The following ADGRL2 variants were observed in gnomAD, a reference collection of about 807,000 sequenced individuals.
ADGRL2 encodes the protein adhesion G protein-coupled receptor L2.
In ADGRL2, 44 loss-of-function variants were observed where a neutral mutation model predicts 157.4. That is an observed-to-expected ratio of 0.28 (90% CI 0.22 to 0.36). The LOEUF is 0.36. Among genes scored for constraint, ADGRL2 ranks in the 10% least tolerant of loss-of-function variants. The pLI, the probability that ADGRL2 is intolerant of heterozygous loss-of-function variation, is 1.00. For synonymous variants in ADGRL2, 585 were observed against 624.7 expected (o/e 0.94, Z 0.95); for missense variants, 1,510 against 1,768.9 (o/e 0.85, Z 2.63).
At position 81,393,460 on chromosome 1, in the gene ADGRL2, A is replaced by C. The variant is rs578035449; in HGVS notation, c.-301-51576A>C. On this transcript the variant is annotated intron_variant, in intron 1 of 24. Coordinates refer to the ADGRL2 transcript ENST00000370721. Reference sequence around the variant, plus strand: ...TTACTTCATACATGAGGCCCTCTACAGCTAACAGTTCCTGCTCTTATTGTT... The same window carrying C: ...TTACTTCATACATGAGGCCCTCTACCGCTAACAGTTCCTGCTCTTATTGTT... Among the ~76,000 whole-genome samples, 31 of 152,148 alleles carry C rather than the reference A, an allele frequency of 2.0e-4. No homozygotes were observed. The South Asian group carries it at 5.2e-3, about 25-fold the overall frequency.
chr1:81,468,922 G>T (rs149663001), intron 2 of ADGRL2, among the ~76,000 whole-genome samples: 22 of 152,288 alleles, frequency 1.4e-4, no homozygotes, highest in African/African-American at 5.3e-4. Context: ...GGAAGGAAAG[G>T]ATGAAGAAAA....
At chr1:81,917,129 G>A (rs949059989) in intron 3 of ADGRL2, among the ~76,000 whole-genome samples, 4 of 152,034 alleles carry the variant, frequency 2.6e-5, no homozygotes, top group Non-Finnish European at 4.4e-5. Flanking sequence ...CACTCCTGGC[G>A]AGATAATTTG....
At chr1:81,464,491 A>C (rs2078009259) in intron 2 of ADGRL2, among the ~76,000 whole-genome samples, 1 of 152,202 alleles carries the variant, frequency 6.6e-6, no homozygotes, top group Non-Finnish European at 1.5e-5. Flanking sequence ...GTTATTAATG[A>C]ACTTCCAGTC....
At chr1:81,327,964 G>A (rs557680942) in intron 1 of ADGRL2, among the ~76,000 whole-genome samples, 2 of 152,222 alleles carry the variant, frequency 1.3e-5, no homozygotes, top group African/African-American at 4.8e-5. Flanking sequence ...GCCCCCAGCT[G>A]ACCCTGCACC....
At chr1:81,405,192 C>G (rs1002079386) in intron 1 of ADGRL2, among the ~76,000 whole-genome samples, 3 of 152,132 alleles carry the variant, frequency 2.0e-5, no homozygotes, top group Admixed American at 2.0e-4. Context: ...GAGCAGCATG[C>G]TTTCTTTCAC....
At chr1:81,372,961 T>G (rs2076186566) in intron 1 of ADGRL2, among the ~76,000 whole-genome samples, 1 of 152,190 alleles carries the variant, frequency 6.6e-6, no homozygotes, top group South Asian at 2.1e-4. Context: ...TCACATTTAT[T>G]CAAAGGGAGA....
chr1:81,695,953 T>C (rs2083434688), upstream of ADGRL2, among the ~76,000 whole-genome samples: 1 of 152,202 alleles, frequency 6.6e-6, no homozygotes, highest in Admixed American at 6.5e-5. Context: ...TTTCCAAGTC[T>C]TCTTTTGCAG....
intron 2 of ADGRL2, among the ~76,000 whole-genome samples, chr1:81,897,224 G>A (rs887657317): frequency 9.2e-5 from 14 of 152,092 alleles, no homozygotes; most frequent in East Asian, 3.9e-4. Context: ...CATCCTGTGC[G>A]GAGGAGATAG....
At chr1:81,561,793 T>C (rs2080449196) in intron 2 of ADGRL2, among the ~76,000 whole-genome samples, 1 of 152,124 alleles carries the variant, frequency 6.6e-6, no homozygotes, top group African/African-American at 2.4e-5. Context: ...TGCACTGATA[T>C]CACTTTGATT....
rs146194376 is a variant in ADGRL2, at chr1:81,779,611, A to G, written c.-101+17759A>G. On this transcript the variant is annotated intron_variant, in intron 2 of 20. Transcript: ENST00000359929. ...GCTTGATTATGTTTCCCCTTTTACT[A>G]TCTTTTGCATATGCTGTTTTAAATT... is the stretch of plus-strand genomic sequence containing the variant. 3.2e-4 allele frequency among the ~76,000 whole-genome samples: 48 copies of G among 152,166 alleles called. No homozygotes were observed. The East Asian group carries it at 8.3e-3, about 26-fold the overall frequency.
chr1:81,822,738 C>T (rs1445025501), intron 1 of ADGRL2, among the ~76,000 whole-genome samples: 1 of 152,034 alleles, frequency 6.6e-6, no homozygotes, highest in Non-Finnish European at 1.5e-5. Flanking sequence ...CATATAATTT[C>T]ACATTTTGAG....
At chr1:81,586,341 T>A (rs1391302691) in intron 3 of ADGRL2, 1 of 151,798 alleles carries the variant, frequency 6.6e-6, no homozygotes, top group Non-Finnish European at 1.5e-5. Flanking sequence ...TCCTTTGAAG[T>A]CAGAGGGAGA....
intron 1 of ADGRL2, among the ~76,000 whole-genome samples, chr1:81,391,923 T>A (rs1456102593): frequency 6.6e-6 from 1 of 152,194 alleles, no homozygotes; most frequent in African/African-American, 2.4e-5. Flanking sequence ...ATAAGTACTT[T>A]ACCTACTATG....
chr1:81,696,836 T>C (rs1318836364), upstream of ADGRL2, among the ~76,000 whole-genome samples: 1 of 152,168 alleles, frequency 6.6e-6, no homozygotes, highest in African/African-American at 2.4e-5. Context: ...TTCTGAGAAC[T>C]GCAGAACTTC....
intron 3 of ADGRL2, among the ~76,000 whole-genome samples, chr1:81,645,766 ATTTAGGTGG>A (rs1050989085): frequency 1.3e-5 from 2 of 152,124 alleles, no homozygotes; most frequent in Non-Finnish European, 2.9e-5. Flanking sequence ...CTTGCTGGAC[ATTTAGGTGG>A]TTTCTTTTCC....
intron 3 of ADGRL2, among the ~76,000 whole-genome samples, chr1:81,665,222 A>G (rs2082730014): frequency 6.6e-6 from 1 of 152,130 alleles, no homozygotes; most frequent in Non-Finnish European, 1.5e-5. Flanking sequence ...GTTTATGAAG[A>G]CCATTTGAGG....
intron 3 of ADGRL2, among the ~76,000 whole-genome samples, chr1:81,678,974 T>C (rs1372840585): frequency 6.6e-6 from 1 of 152,172 alleles, no homozygotes; most frequent in Non-Finnish European, 1.5e-5. Context: ...TGCACTGTCA[T>C]AAAGCTGCTA....
intron 1 of ADGRL2, among the ~76,000 whole-genome samples, chr1:81,338,031 A>G (rs896885090): frequency 6.6e-6 from 1 of 152,196 alleles, no homozygotes; most frequent in Non-Finnish European, 1.5e-5. Context: ...TATTTTAGAA[A>G]TTGTCTAAGC....
chr1:81,927,840 A>T (rs1401007274), intron 3 of ADGRL2, among the ~76,000 whole-genome samples: 1 of 152,076 alleles, frequency 6.6e-6, no homozygotes, highest in African/African-American at 2.4e-5. Context: ...AATCATCATT[A>T]ATAAATATTT....
Sources: allele counts gnomAD v4.1 joint callset (sites outside exome capture counted in the v4.1 genomes callset), GRCh38; gene constraint gnomAD v4.1.1; transcripts MANE v1.5; gene names NCBI Gene and HGNC (gene_info 2026-07-23, HGNC 2026-07-21).